Variants in HPSE2 observed in about 807,000 individuals in gnomAD.
The protein encoded by HPSE2 is inactive heparanase-2.
HPSE2 carries 38 observed loss-of-function variants against 60.5 expected under a neutral mutation model. The ratio of observed to expected loss-of-function variants is 0.63; its 90% CI spans 0.48 to 0.82. The LOEUF (loss-of-function observed/expected upper bound fraction) is 0.82, where lower values mean the gene tolerates loss of function less well. Ranked by LOEUF, HPSE2 falls within the 40% of genes least tolerant of loss-of-function variation. The pLI, the probability that HPSE2 is intolerant of heterozygous loss-of-function variation, is 0.00. For synonymous variants in HPSE2, 295 were observed against 293.2 expected (o/e 1.01, Z -0.06); for missense variants, 713 against 740.4 (o/e 0.96, Z 0.43).
chr10:99,243,205 TA>T, the HPSE2 span, among the ~76,000 whole-genome samples: 1 of 151,898 alleles, frequency 6.6e-6, no homozygotes. Flanking sequence ...TAAAAAAAAT[TA>T]GCTGGGTGTG....
At chr10:98,598,867 C>G (rs750501085) in intron 9 of HPSE2, among the ~76,000 whole-genome samples, 1 of 151,994 alleles carries the variant, frequency 6.6e-6, no homozygotes, top group African/African-American at 2.4e-5. Flanking sequence ...TGGGTACTGG[C>G]TGGCACCTAG....
chr10:98,818,857 G>C (rs961881219), intron 3 of HPSE2, among the ~76,000 whole-genome samples: 2 of 152,046 alleles, frequency 1.3e-5, no homozygotes, highest in Non-Finnish European at 2.9e-5. Flanking sequence ...ATTCTAAATA[G>C]GTTCACCTTG....
chr10:99,085,235 G>A (rs1431104547), intron 3 of HPSE2, among the ~76,000 whole-genome samples: 2 of 152,158 alleles, frequency 1.3e-5, no homozygotes, highest in African/African-American at 2.4e-5. Context: ...GGAAAAGGAA[G>A]GGAACCTAGA....
chr10:98,963,826 C>G (rs1015386525), intron 3 of HPSE2, among the ~76,000 whole-genome samples: 1 of 152,048 alleles, frequency 6.6e-6, no homozygotes, highest in African/African-American at 2.4e-5. Context: ...GGAATCATGA[C>G]ATGGCTGTGT....
intron 4 of HPSE2, among the ~76,000 whole-genome samples, chr10:98,742,974 C>CTTTTTTTTTTTT (rs35772316): frequency 3.0e-5 from 3 of 99,784 alleles, no homozygotes; most frequent in Non-Finnish European, 4.1e-5. Context: ...CTTTTCTTTT[C>CTTTTTTTTTTTT]TTTTTTTTTT....
intron 9 of HPSE2, among the ~76,000 whole-genome samples, chr10:98,590,823 T>C (rs1029165384): frequency 1.5e-4 from 23 of 152,196 alleles, no homozygotes; most frequent in Admixed American, 3.9e-4. Context: ...CTCCACTTAC[T>C]AGCCAGTGGG....
At chr10:98,528,353 G>A (rs1309876443) in intron 9 of HPSE2, among the ~76,000 whole-genome samples, 1 of 152,130 alleles carries the variant, frequency 6.6e-6, no homozygotes, top group Non-Finnish European at 1.5e-5. Context: ...TTTGAAAGCT[G>A]AGCTTTATAA....
At chr10:98,843,068 C>T (rs1446211451) in intron 3 of HPSE2, among the ~76,000 whole-genome samples, 1 of 151,990 alleles carries the variant, frequency 6.6e-6, no homozygotes, top group Non-Finnish European at 1.5e-5. Flanking sequence ...TTCAGGGGTA[C>T]ATATTCACGT....
intron 3 of HPSE2, among the ~76,000 whole-genome samples, chr10:98,974,703 A>G (rs1956044471): frequency 1.3e-5 from 2 of 152,216 alleles, no homozygotes; most frequent in Admixed American, 1.3e-4. Flanking sequence ...ATTCAACTTG[A>G]GGCACCAATA....
intron 9 of HPSE2, among the ~76,000 whole-genome samples, chr10:98,503,367 G>A (rs1483723177): frequency 6.6e-6 from 1 of 152,128 alleles, no homozygotes; most frequent in Non-Finnish European, 1.5e-5. Flanking sequence ...AAAAACAGTA[G>A]TTGTTGGTGT....
chr10:99,051,511 T>G (rs1957990710), intron 3 of HPSE2, among the ~76,000 whole-genome samples: 3 of 152,018 alleles, frequency 2.0e-5, no homozygotes, highest in Admixed American at 1.3e-4. Flanking sequence ...GTAATTGAGA[T>G]AGGAAATCCA....
chr10:98,838,760 T>C (rs1951848813), intron 3 of HPSE2, among the ~76,000 whole-genome samples: 1 of 152,144 alleles, frequency 6.6e-6, no homozygotes, highest in African/African-American at 2.4e-5. Context: ...CTCACATCAC[T>C]AGCACAGTGC....
At chr10:99,069,549 A>G (rs913556053) in intron 3 of HPSE2, among the ~76,000 whole-genome samples, 2 of 151,408 alleles carry the variant, frequency 1.3e-5, no homozygotes, top group Non-Finnish European at 2.9e-5. Context: ...TAATACAAAA[A>G]TACTTTTTCT....
the HPSE2 span, among the ~76,000 whole-genome samples, chr10:99,283,667 G>A: frequency 1.3e-5 from 2 of 151,854 alleles, no homozygotes; most frequent in African/African-American, 2.4e-5. Flanking sequence ...AATGAAAAAG[G>A]GGACATTACT....
At chr10:98,955,380 G>C (rs1243853768) in intron 3 of HPSE2, among the ~76,000 whole-genome samples, 1 of 152,116 alleles carries the variant, frequency 6.6e-6, no homozygotes, top group Non-Finnish European at 1.5e-5. Context: ...GTGATCATTA[G>C]AGAAATGCAA....
In HPSE2 at chr10:98,806,513, G is replaced by A. The variant is rs373020979; in HGVS notation, c.611-62457C>T. Among the ~76,000 whole-genome samples the A allele has an allele frequency of 8.5e-5, 13 of 152,222 alleles. No individual in the cohort carries two copies. In the East Asian group the frequency reaches 2.3e-3, roughly 27 times the overall value. ...TGCCTCTTACTTCCTATGAGACCAT[G>A]GGCAAGTCACTTCAGCTCTCTGAAA... is the stretch of plus-strand genomic sequence containing the variant. On this transcript the variant is annotated intron_variant, in intron 3 of 11. Coordinates refer to ENST00000370552, the MANE Select transcript of HPSE2 (RefSeq NM_021828.5).
In HPSE2 at chr10:98,804,373, A is replaced by T. The variant is rs1163503033; in HGVS notation, c.611-60317T>A. Reference sequence around the variant, plus strand: ...ACAGAATAAGAGAAAATGTTTGCAAACTCCCCATCTGACAAGGAATTAATA... The same window carrying T: ...ACAGAATAAGAGAAAATGTTTGCAATCTCCCCATCTGACAAGGAATTAATA... On this transcript the variant is annotated intron_variant, in intron 3 of 11. Coordinates refer to ENST00000370552, the MANE Select transcript of HPSE2 (RefSeq NM_021828.5). 2.6e-5 allele frequency among the ~76,000 whole-genome samples: 4 copies of T among 151,996 alleles called. No individual in the cohort carries two copies. The East Asian group carries it at 7.7e-4, about 29-fold the overall frequency.
chr10:98,470,335 G>A (rs1184948892), intron 11 of HPSE2, among the ~76,000 whole-genome samples: 1 of 152,180 alleles, frequency 6.6e-6, no homozygotes, highest in Non-Finnish European at 1.5e-5. Context: ...TGCAAAGTGT[G>A]GGGTGACTCT....
intron 9 of HPSE2, among the ~76,000 whole-genome samples, chr10:98,517,207 G>C (rs918473558): frequency 6.9e-6 from 1 of 145,288 alleles, no homozygotes; most frequent in Non-Finnish European, 1.5e-5. Context: ...GGTGGGGGGG[G>C]CGAGGCGAGG....
Sources: allele counts gnomAD v4.1 joint callset (sites outside exome capture counted in the v4.1 genomes callset), GRCh38; gene constraint gnomAD v4.1.1; transcripts MANE v1.5; gene names NCBI Gene and HGNC (gene_info 2026-07-23, HGNC 2026-07-21).